RPTOR: variants seen among roughly 807,000 people sequenced by gnomAD.
The protein encoded by RPTOR is regulatory-associated protein of mTOR.
A neutral mutation model predicts 169.9 loss-of-function variants in RPTOR; 21 were observed. That is an observed-to-expected ratio of 0.12 (90% CI 0.09 to 0.18). The LOEUF (loss-of-function observed/expected upper bound fraction) is 0.18. RPTOR is among the 10% of genes least tolerant of loss of function. The probability of loss-of-function intolerance (pLI) is 1.00; values close to 1 mark genes in which losing one functional copy is unlikely to be tolerated. For synonymous variants in RPTOR, 732 were observed against 753.2 expected (o/e 0.97, Z 0.46); for missense variants, 1,133 against 1,855.9 (o/e 0.61, Z 7.16).
intron 21 of RPTOR, among the ~76,000 whole-genome samples, chr17:80,919,051 G>A (rs779659968): frequency 1.2e-4 from 18 of 152,184 alleles, no homozygotes; most frequent in Admixed American, 3.3e-4. Context: ...CTGACGCGGC[G>A]TTCTCTTCCC....
rs1287659939 is a variant in RPTOR at position 80,892,856 on chromosome 17, T to C, written c.2229T>C (p.Ser743=). The change falls in exon 19 of 34, where the codon AGT becomes AGC. Residue 743 remains serine, a synonymous_variant. Coordinates refer to ENST00000306801, the MANE Select transcript of RPTOR (RefSeq NM_020761.3). The part of the protein sequence containing the change: ...RSLNKSLQNL[S]LTEESGGAVA... The stretch of plus-strand genomic sequence containing the variant: ...TCAACAAATCTTTGCAGAACCTGAG[T>C]TTGACAGAGGAATGTAAGATCCTGG... 6.2e-7 allele frequency: 1 copy of C among 1,613,944 alleles called. No homozygotes were observed. Among genetic ancestry groups the C allele is most frequent in the East Asian group, 2.2e-5 (1 of 44,884 alleles).
At chr17:80,564,066 C>CTT (rs59934984) in intron 1 of RPTOR, among the ~76,000 whole-genome samples, 62 of 144,436 alleles carry the variant, frequency 4.3e-4, no homozygotes, top group Admixed American at 1.3e-3. Context: ...CATGTCTTTT[C>CTT]TTTTTTTTTT....
intron 2 of RPTOR, among the ~76,000 whole-genome samples, chr17:80,632,850 G>C (rs942414502): frequency 2.0e-5 from 3 of 152,118 alleles, no homozygotes; most frequent in Admixed American, 2.0e-4. Flanking sequence ...TGTTGCCCAG[G>C]CTGGAGTGCA....
chr17:80,837,906 T>C lies in RPTOR; in HGVS notation c.1137-16T>C. The C allele has an allele frequency of 6.2e-7, 1 of 1,607,404 alleles. No individual in the cohort carries two copies. Among genetic ancestry groups the C allele is most frequent in the Non-Finnish European group, 8.5e-7 (1 of 1,176,252 alleles). ...CGTCCATAATGCTCAGTGGATTTCCTCTGTTCTCTCCGCAGGCAAGCCTGG... is the reference window on the plus strand; with the variant it reads ...CGTCCATAATGCTCAGTGGATTTCCCCTGTTCTCTCCGCAGGCAAGCCTGG... On this transcript the variant is annotated splice_polypyrimidine_tract_variant and intron_variant, in intron 9 of 33. Transcript: ENST00000306801.
At chr17:80,554,742 T>TCAAAACAAAACAAAACAAAACAAAA (rs147306840) in intron 1 of RPTOR, among the ~76,000 whole-genome samples, 1 of 143,862 alleles carries the variant, frequency 7.0e-6, no homozygotes, top group Non-Finnish European at 1.5e-5. Flanking sequence ...AGACTCTGTC[T>TCAAAACAAAACAAAACAAAACAAAA]CAAAACAAAA....
In RPTOR at chr17:80,730,885, T is replaced by C. The variant is rs2066386339; in HGVS notation, c.654+179T>C. 6.6e-6 allele frequency among the ~76,000 whole-genome samples: 1 copy of C among 152,180 alleles called. No individual in the cohort carries two copies. The highest frequency in any genetic ancestry group is 6.5e-5 in the Admixed American group (1 of 15,294). On this transcript the variant is annotated intron_variant, in intron 5 of 33. Coordinates refer to ENST00000306801, the MANE Select transcript of RPTOR (RefSeq NM_020761.3). This position sits in a 1 kb window ranked among gnomAD's most constrained non-coding sequence, Gnocchi z 4.2. ...AGCTAGGGAGGCACTCAGCACACTT[T>C]ATTTTTGAAACATAATCTTGTTCTG...
In RPTOR at chr17:80,726,395, G is replaced by C. The variant is rs2066334905; in HGVS notation, c.508-4165G>C. 6.6e-6 allele frequency among the ~76,000 whole-genome samples: 1 copy of C among 152,222 alleles called. No individual in the cohort carries two copies. Among genetic ancestry groups the C allele is most frequent in the South Asian group, 2.1e-4 (1 of 4,832 alleles). ...GCCCACAGATCACGGGGCGTGGAGG[G>C]AGAGACTGCCAGTGCTGTCCTAGTG... On this transcript the variant is annotated intron_variant, in intron 4 of 33. Transcript: ENST00000306801. The surrounding 1 kb of genome is among the most constrained non-coding windows in gnomAD (Gnocchi z 4.5).
At chr17:80,826,737 G>C (rs1007567286) in intron 9 of RPTOR, among the ~76,000 whole-genome samples, 4 of 152,244 alleles carry the variant, frequency 2.6e-5, no homozygotes, top group Non-Finnish European at 5.9e-5. Context: ...GAAGGGCAGG[G>C]CTCCTCCAGT....
intron 24 of RPTOR, among the ~76,000 whole-genome samples, chr17:80,930,440 G>C (rs867058144): frequency 8.3e-5 from 6 of 72,644 alleles, no homozygotes; most frequent in Non-Finnish European, 1.4e-4. Context: ...CTCATCCCCA[G>C]CTCATCCTCA....
intron 1 of RPTOR, among the ~76,000 whole-genome samples, chr17:80,582,728 TA>T (rs1367422589): frequency 6.6e-6 from 1 of 150,414 alleles, no homozygotes; most frequent in Non-Finnish European, 1.5e-5. Flanking sequence ...ATATTTTCAA[TA>T]GAGACGGGGT....
intron 28 of RPTOR, among the ~76,000 whole-genome samples, chr17:80,951,255 C>T (rs1472950804): frequency 6.6e-6 from 1 of 152,226 alleles, no homozygotes; most frequent in Non-Finnish European, 1.5e-5. Flanking sequence ...GGCCACGCTG[C>T]AGGAAACAAG....
At chr17:80,921,071 A>G (rs1038185478) in intron 21 of RPTOR, among the ~76,000 whole-genome samples, 7 of 152,256 alleles carry the variant, frequency 4.6e-5, no homozygotes, top group Non-Finnish European at 7.3e-5. Context: ...CAATCTGGGA[A>G]GCGTGGGTGT....
intron 7 of RPTOR, among the ~76,000 whole-genome samples, chr17:80,814,487 A>C (rs1361292480): frequency 6.6e-6 from 1 of 152,054 alleles, no homozygotes; most frequent in Non-Finnish European, 1.5e-5. Context: ...ATTTGGGATG[A>C]TTTGTATTAT....
chr17:80,950,848 C>T (rs1477997855), intron 28 of RPTOR, among the ~76,000 whole-genome samples: 1 of 152,250 alleles, frequency 6.6e-6, no homozygotes, highest in Non-Finnish European at 1.5e-5. Flanking sequence ...ATAGGCTTTC[C>T]AGGCTGTTTT....
intron 6 of RPTOR, chr17:80,773,887 GC>G (rs2066868109): frequency 1.0e-6 from 1 of 985,360 alleles, no homozygotes; most frequent in East Asian, 1.1e-4. Context: ...GACGTCGACC[GC>G]TTCTGATTCC....
At chr17:80,652,611 AT>A (rs1490061035) in intron 3 of RPTOR, among the ~76,000 whole-genome samples, 1 of 152,216 alleles carries the variant, frequency 6.6e-6, no homozygotes, top group Non-Finnish European at 1.5e-5. Context: ...GCTGAAAAAC[AT>A]TCCATTGTAT....
intron 7 of RPTOR, among the ~76,000 whole-genome samples, chr17:80,792,706 T>A (rs2067061285): frequency 6.6e-6 from 1 of 152,172 alleles, no homozygotes; most frequent in African/African-American, 2.4e-5. Context: ...TGGGACTAGA[T>A]GATCTGTGCT....
At chr17:80,564,394 G>A (rs1318100111) in intron 1 of RPTOR, among the ~76,000 whole-genome samples, 2 of 152,098 alleles carry the variant, frequency 1.3e-5, no homozygotes, top group East Asian at 3.8e-4. Context: ...TTGATTCCTA[G>A]GGGTGGAATT....
intron 13 of RPTOR, among the ~76,000 whole-genome samples, chr17:80,879,141 C>T (rs933898084): frequency 6.6e-6 from 1 of 152,262 alleles, no homozygotes; most frequent in African/African-American, 2.4e-5. Flanking sequence ...TGCAGTGTGC[C>T]CCACTGTAAC....
Sources: gnomAD v4.1 joint callset for allele counts (sites outside exome capture counted in the v4.1 genomes callset) on GRCh38, gnomAD v4.1.1 for gene constraint, Gnocchi (gnomAD v3.1) non-coding constraint, MANE v1.5 for transcripts, NCBI Gene and HGNC (gene_info 2026-07-23, HGNC 2026-07-21) for gene names.